Variants in CUL3 observed in about 807,000 individuals in gnomAD.
CUL3 encodes the protein cullin-3.
A neutral mutation model predicts 89.1 loss-of-function variants in CUL3; 19 were observed. The ratio of observed to expected loss-of-function variants is 0.21; its 90% CI spans 0.15 to 0.31. The LOEUF is 0.31. Among genes scored for constraint, CUL3 ranks in the 10% least tolerant of loss-of-function variants. CUL3 has a pLI of 1.00. For synonymous variants in CUL3, 351 were observed against 308.4 expected (o/e 1.14, Z -1.45); for missense variants, 469 against 942.3 (o/e 0.50, Z 6.58).
At chr2:224,510,703 T>A (rs1290089877) in intron 6 of CUL3, among the ~76,000 whole-genome samples, 1 of 152,204 alleles carries the variant, frequency 6.6e-6, no homozygotes, top group African/African-American at 2.4e-5. Context: ...TTTTAACTTG[T>A]AATTTCTTCT....
intron 4 of CUL3, among the ~76,000 whole-genome samples, chr2:224,513,985 C>T (rs149925649): frequency 6.6e-6 from 1 of 152,310 alleles, no homozygotes; most frequent in East Asian, 1.9e-4. Context: ...ACAGCTACTC[C>T]TGGGCAATAT....
intron 2 of CUL3, among the ~76,000 whole-genome samples, chr2:224,537,382 GAATTTTAT>G (rs1484671689): frequency 6.6e-6 from 1 of 152,060 alleles, no homozygotes; most frequent in African/African-American, 2.4e-5. Flanking sequence ...ACATAATTTA[GAATTTTAT>G]CATATATTTA....
intron 5 of CUL3, among the ~76,000 whole-genome samples, chr2:224,512,102 CT>C (rs71062934): frequency 0.011 from 1,640 of 146,088 alleles, 27 homozygotes; most frequent in African/African-American, 0.039. Flanking sequence ...TCTTTTTTTT[CT>C]TTTTTTTTTT....
At chr2:224,516,468 C>T (rs1317206607) in intron 3 of CUL3, among the ~76,000 whole-genome samples, 1 of 151,822 alleles carries the variant, frequency 6.6e-6, no homozygotes, top group East Asian at 1.9e-4. Context: ...AGGCGCCTGC[C>T]ACCACACCCA....
At chr2:224,542,931 T>C (rs1192784889) in intron 2 of CUL3, among the ~76,000 whole-genome samples, 1 of 152,096 alleles carries the variant, frequency 6.6e-6, no homozygotes, top group Non-Finnish European at 1.5e-5. Context: ...AAGGAAGCAA[T>C]ACTGGGCCAG....
chr2:224,568,418 C>T (rs567104816), intron 1 of CUL3, among the ~76,000 whole-genome samples: 2 of 152,320 alleles, frequency 1.3e-5, no homozygotes, highest in Admixed American at 1.3e-4. Flanking sequence ...CAATGCCACA[C>T]AGAAGGTTGT....
intron 13 of CUL3, among the ~76,000 whole-genome samples, chr2:224,482,508 G>T (rs1238668684): frequency 6.6e-6 from 1 of 151,902 alleles, no homozygotes; most frequent in Non-Finnish European, 1.5e-5. Context: ...AGGAAGGTAA[G>T]CCTGAGCTCA....
intron 14 of CUL3, among the ~76,000 whole-genome samples, chr2:224,480,313 C>A (rs1411783178): frequency 1.3e-5 from 2 of 152,140 alleles, no homozygotes; most frequent in Admixed American, 6.6e-5. Flanking sequence ...GAGCCTTTGA[C>A]AGTAAAACCA....
intron 1 of CUL3, among the ~76,000 whole-genome samples, chr2:224,568,598 T>A (rs1198040072): frequency 1.3e-5 from 2 of 152,216 alleles, no homozygotes; most frequent in Non-Finnish European, 2.9e-5. Context: ...CTAACAGAAG[T>A]AGTGTACAAG....
At chr2:224,540,754 T>C (rs571187866) in intron 2 of CUL3, among the ~76,000 whole-genome samples, 1 of 152,280 alleles carries the variant, frequency 6.6e-6, no homozygotes, top group Admixed American at 6.5e-5. Context: ...CATAGGTATA[T>C]GTGTGCCATG....
At chr2:224,545,361 A>C (rs528000993) in intron 2 of CUL3, among the ~76,000 whole-genome samples, 2 of 152,172 alleles carry the variant, frequency 1.3e-5, no homozygotes, top group Non-Finnish European at 2.9e-5. Context: ...TAGCCACTGT[A>C]GGGAAAAAAT....
Position 224,513,507 on chromosome 2 carries a change from A to C in CUL3, c.654+17T>G, listed in dbSNP as rs1329059265. On this transcript the variant is annotated intron_variant, in intron 5 of 15. Coordinates refer to ENST00000264414, the MANE Select transcript of CUL3 (RefSeq NM_003590.5). ...GAACATCTTAAAAGATTATTTATTT[A>C]CATTTTCACGGATTACCTGAAAAAA... 1 of 1,356,982 alleles carries C rather than the reference A, an allele frequency of 7.4e-7. No individual in the cohort carries two copies. The allele number at this position is 1,356,982 out of a possible 1,614,324, so 84.1% of individuals were successfully genotyped here. A position where few individuals can be genotyped will look rare whatever the true frequency, so the allele number is the denominator to read the frequency against.
intron 2 of CUL3, among the ~76,000 whole-genome samples, chr2:224,554,065 C>T (rs575692152): frequency 6.0e-4 from 92 of 152,226 alleles, no homozygotes; most frequent in African/African-American, 2.2e-3. Context: ...TGATCTCACA[C>T]TCTGGCCTTC....
chr2:224,500,364 T>G lies in CUL3; in HGVS notation c.1609A>C (p.Arg537=). The part of the protein sequence containing the change: ...APRHAFEIFR[R]FYLAKHSGRQ... Reference sequence around the variant, plus strand: ...ATACAAAGTCTGATTTTGATTTACCTTCTGAATATCTCAAAAGCATGTCTT... The same window carrying G: ...ATACAAAGTCTGATTTTGATTTACCGTCTGAATATCTCAAAAGCATGTCTT... The change falls in exon 11 of 16, where the codon AGG becomes CGG. Residue 537 remains arginine, a splice_region_variant and synonymous_variant. Coordinates refer to ENST00000264414, the MANE Select transcript of CUL3 (RefSeq NM_003590.5). The G allele has an allele frequency of 6.2e-7, 1 of 1,614,094 alleles. No individual in the cohort carries two copies. The highest frequency in any genetic ancestry group is 8.5e-7 in the Non-Finnish European group (1 of 1,179,954).
At chr2:224,504,966 T>C (rs1426681787) in intron 8 of CUL3, among the ~76,000 whole-genome samples, 1 of 152,164 alleles carries the variant, frequency 6.6e-6, no homozygotes, top group Non-Finnish European at 1.5e-5. Context: ...ATCTACTCTA[T>C]CTATGCCTTA....
intron 6 of CUL3, among the ~76,000 whole-genome samples, chr2:224,510,219 G>GCTTT (rs35677866): frequency 7.6e-5 from 8 of 105,326 alleles, no homozygotes; most frequent in South Asian, 2.9e-4. Context: ...GATGACTTCT[G>GCTTT]TTTTTTTTTT....
chr2:224,478,461 TAC>T, intron 14 of CUL3, 116 bp from the exon 15 acceptor site: 2 of 831,244 alleles, frequency 2.4e-6, no homozygotes, highest in Non-Finnish European at 3.6e-6. Flanking sequence ...CCTCTGAATA[TAC>T]ACACTTATTA....
At position 224,482,090 on chromosome 2, in the gene CUL3, T is replaced by A. The variant is rs2106152659; in HGVS notation, c.1843-12A>T. 6.3e-7 allele frequency: 1 copy of A among 1,585,610 alleles called. No homozygotes were observed. Among genetic ancestry groups the A allele is most frequent in the Non-Finnish European group, 8.5e-7 (1 of 1,169,718 alleles). On this transcript the variant is annotated splice_polypyrimidine_tract_variant and intron_variant, in intron 13 of 15. Coordinates refer to ENST00000264414, the MANE Select transcript of CUL3 (RefSeq NM_003590.5). ...TCTTGCTGAATTTCCTGAAATTTCA[T>A]CAGATTAACATAATTAGACTTTTTG...
rs1694757604 is a variant in CUL3, at chr2:224,557,699, G to C, written c.224C>G (p.Thr75Ser). 3.1e-6 allele frequency: 5 copies of C among 1,612,450 alleles called. No homozygotes were observed. Among genetic ancestry groups the C allele is most frequent in the Middle Eastern group, 1.7e-4 (1 of 5,876 alleles). The part of the protein sequence containing the change: ...VLHKHGEKLY[T>S]GLREVVTEHL... Reference sequence around the variant, plus strand: ...TTCGGTAACAACTTCTCTTAGTCCAGTGTAGAGCTTTTCTCCATGTTTATG... The same window carrying C: ...TTCGGTAACAACTTCTCTTAGTCCACTGTAGAGCTTTTCTCCATGTTTATG... The change falls in exon 2 of 16, where the codon ACT becomes AGT. Residue 75 changes from threonine to serine, a missense_variant. Coordinates refer to ENST00000264414, the MANE Select transcript of CUL3 (RefSeq NM_003590.5).
Sources: allele counts gnomAD v4.1 joint callset (sites outside exome capture counted in the v4.1 genomes callset), GRCh38; gene constraint gnomAD v4.1.1; transcripts MANE v1.5; gene names NCBI Gene and HGNC (gene_info 2026-07-23, HGNC 2026-07-21).